The following BMERB1 variants were observed in gnomAD, a reference collection of about 807,000 sequenced individuals.
BMERB1 encodes bMERB domain containing 1, also known as bMERB domain-containing protein 1.
BMERB1 carries 12 observed loss-of-function variants against 23.6 expected under a neutral mutation model. The observed-to-expected ratio is 0.51, with a 90% CI of 0.33 to 0.82. The LOEUF is 0.82. BMERB1 is among the 40% of genes least tolerant of loss of function. BMERB1 has a pLI of 0.03. For synonymous variants in BMERB1, 122 were observed against 96.6 expected (o/e 1.26, Z -1.54); for missense variants, 247 against 255.4 (o/e 0.97, Z 0.22).
At chr16:15,496,235 A>G (rs2051472310) in intron 1 of BMERB1, among the ~76,000 whole-genome samples, 1 of 152,040 alleles carries the variant, frequency 6.6e-6, no homozygotes, top group African/African-American at 2.4e-5. Flanking sequence ...TAATGGTGAT[A>G]GTGGTGATGA....
intron 1 of BMERB1, among the ~76,000 whole-genome samples, chr16:15,514,579 G>A (rs114882089): frequency 0.014 from 2,157 of 149,012 alleles, 59 homozygotes; most frequent in African/African-American, 0.052. Flanking sequence ...ATCACTTGAC[G>A]TCAGCCTGGC....
At chr16:15,485,210 T>G (rs1371858308) in intron 1 of BMERB1, among the ~76,000 whole-genome samples, 1 of 152,200 alleles carries the variant, frequency 6.6e-6, no homozygotes, top group Non-Finnish European at 1.5e-5. Flanking sequence ...ATATTCTGAT[T>G]GGCCAGGTTC....
intron 1 of BMERB1, among the ~76,000 whole-genome samples, chr16:15,448,661 G>A (rs992503954): frequency 3.9e-5 from 6 of 152,166 alleles, no homozygotes; most frequent in Non-Finnish European, 8.8e-5. Flanking sequence ...GCATGGTGGT[G>A]CAAGCCTGTA....
intron 1 of BMERB1, among the ~76,000 whole-genome samples, chr16:15,501,412 C>A (rs1183728899): frequency 6.6e-6 from 1 of 151,330 alleles, no homozygotes; most frequent in African/African-American, 2.4e-5. Flanking sequence ...CCTGCCTCAA[C>A]CTTCTGAGTA....
At chr16:15,503,497 A>G (rs1195786719) in intron 1 of BMERB1, among the ~76,000 whole-genome samples, 2 of 139,650 alleles carry the variant, frequency 1.4e-5, no homozygotes, top group African/African-American at 5.4e-5. Flanking sequence ...ACGGCGTTTC[A>G]CCGTGTTATC....
intron 2 of BMERB1, among the ~76,000 whole-genome samples, chr16:15,518,308 A>G (rs551289966): frequency 8.9e-4 from 135 of 152,230 alleles, no homozygotes; most frequent in African/African-American, 3.1e-3. Flanking sequence ...ATTCTGTGAC[A>G]TTTTCCAGGG....
At position 15,434,642 on chromosome 16, in the gene BMERB1, C is replaced by T; in HGVS notation, c.-12C>T. On this transcript the variant is annotated 5_prime_UTR_variant, in exon 1 of 6. The change creates a new upstream start codon in the 5' untranslated region. Transcript: ENST00000300006. ...AAAGGGAGACCCGTCGACCTGGCCA[C>T]GGGGATCAGCGATGGAATTAAAGCA... 1 of 1,612,266 alleles carries T rather than the reference C, an allele frequency of 6.2e-7. No homozygotes were observed. Among genetic ancestry groups the T allele is most frequent in the Non-Finnish European group, 8.5e-7 (1 of 1,178,316 alleles).
intron 2 of BMERB1, among the ~76,000 whole-genome samples, chr16:15,535,647 T>TAAAAAA (rs2052017440): frequency 1.2e-5 from 1 of 82,358 alleles, no homozygotes; most frequent in African/African-American, 4.7e-5. Context: ...AGACTCCATC[T>TAAAAAA]CAAAAAAAAA....
intron 2 of BMERB1, among the ~76,000 whole-genome samples, chr16:15,548,010 A>G (rs1224215031): frequency 6.6e-5 from 10 of 151,980 alleles, no homozygotes; most frequent in Admixed American, 6.6e-4. Flanking sequence ...GGTGCATGGT[A>G]AATTCTGTTT....
At chr16:15,539,760 T>C (rs1394926302) in intron 2 of BMERB1, among the ~76,000 whole-genome samples, 1 of 151,774 alleles carries the variant, frequency 6.6e-6, no homozygotes, top group Admixed American at 6.6e-5. Flanking sequence ...GGAGAATCTC[T>C]TGAACCCGGG....
chr16:15,579,541 G>A (rs904332645), intron 3 of BMERB1, among the ~76,000 whole-genome samples: 2 of 152,168 alleles, frequency 1.3e-5, no homozygotes, highest in Non-Finnish European at 2.9e-5. Context: ...AACGTCAGTC[G>A]TGGGCAGGCA....
chr16:15,485,820 T>TAGTC, intron 1 of BMERB1, among the ~76,000 whole-genome samples: 1 of 152,220 alleles, frequency 6.6e-6, no homozygotes, highest in East Asian at 1.9e-4. Context: ...CATATTCCAC[T>TAGTC]AGTCCCTCCA....
At chr16:15,500,499 G>A (rs1369742126) in intron 1 of BMERB1, among the ~76,000 whole-genome samples, 2 of 152,156 alleles carry the variant, frequency 1.3e-5, no homozygotes, top group Non-Finnish European at 2.9e-5. Context: ...GTCCTGAAAT[G>A]GAGAAACACC....
At chr16:15,555,397 G>GAA (rs1191567287) in intron 2 of BMERB1, among the ~76,000 whole-genome samples, 2 of 152,102 alleles carry the variant, frequency 1.3e-5, no homozygotes, top group Non-Finnish European at 2.9e-5. Context: ...CATACATACA[G>GAA]AAAAGAGCAG....
chr16:15,505,396 T>C (rs2051577071), intron 1 of BMERB1, among the ~76,000 whole-genome samples: 2 of 152,250 alleles, frequency 1.3e-5, no homozygotes, highest in African/African-American at 4.8e-5. Flanking sequence ...CCCCTAGTAC[T>C]TGCTGATTCA....
chr16:15,570,065 C>G (rs1460567314), intron 3 of BMERB1, among the ~76,000 whole-genome samples: 1 of 152,188 alleles, frequency 6.6e-6, no homozygotes, highest in East Asian at 1.9e-4. Flanking sequence ...AGATCCCTTT[C>G]ACTGTCCTAA....
chr16:15,464,083 C>T (rs1470217002), intron 1 of BMERB1, among the ~76,000 whole-genome samples: 1 of 151,942 alleles, frequency 6.6e-6, no homozygotes, highest in Non-Finnish European at 1.5e-5. Flanking sequence ...GAGGCCGAGG[C>T]GGGCAGATCA....
rs1382709562 is a variant in BMERB1, at chr16:15,502,395, G to T, written c.107-12910G>T. 7.2e-6 allele frequency: 11 copies of T among 1,537,838 alleles called. No individual in the cohort carries two copies. In the East Asian group the frequency reaches 2.7e-4, roughly 38 times the overall value. On this transcript the variant is annotated intron_variant, in intron 1 of 5. Transcript: ENST00000300006. ...AAGAAAGGTATGATCGCTCTTGGGG[G>T]CCCAGTGGCATCCTCTCCACGAGGC...
intron 1 of BMERB1, among the ~76,000 whole-genome samples, chr16:15,500,231 T>C (rs529778485): frequency 8.5e-5 from 13 of 152,292 alleles, no homozygotes; most frequent in African/African-American, 2.9e-4. Flanking sequence ...GGATTCTGGG[T>C]CACAGCTGAG....
Sources: allele counts gnomAD v4.1 joint callset (sites outside exome capture counted in the v4.1 genomes callset), GRCh38; gene constraint gnomAD v4.1.1; transcripts MANE v1.5; gene names NCBI Gene and HGNC (gene_info 2026-07-23, HGNC 2026-07-21).